Variants in ICA1L observed in about 807,000 individuals in gnomAD.
ICA1L encodes islet cell autoantigen 1 like.
Under a neutral mutation model 61.3 loss-of-function variants are expected in ICA1L, and 50 were observed. That is an observed-to-expected ratio of 0.82 (90% confidence interval 0.65 to 1.03). ICA1L has a LOEUF of 1.03. Ranked by LOEUF, ICA1L falls within the 50% of genes least tolerant of loss-of-function variation. The pLI is 0.00. For missense variants in ICA1L, 508 were observed against 556.7 expected, an observed-to-expected ratio of 0.91 and a Z score of 0.88; for synonymous variants, 161 against 191.3, an observed-to-expected ratio of 0.84 and a Z score of 1.31.
intron 2 of ICA1L, among the ~76,000 whole-genome samples, chr2:202,828,627 T>G (rs1693915637): frequency 6.6e-6 from 1 of 152,212 alleles, no homozygotes; most frequent in South Asian, 2.1e-4. Flanking sequence ...TTTATTCATA[T>G]TTTATCTAAG....
rs1406566184 is a variant in ICA1L, at chr2:202,776,147, C to A, written c.*3386G>T. The A allele has an allele frequency of 6.6e-6, 1 of 152,158 alleles. No homozygotes were observed. The highest frequency in any genetic ancestry group is 1.9e-4 in the East Asian group (1 of 5,198). The allele number at this position is 152,158 out of a possible 1,614,324, so 9.4% of individuals were successfully genotyped here. On this transcript the variant is annotated 3_prime_UTR_variant, in exon 13 of 13. Transcript: ENST00000358299. ...CTTTTTCAGTGTGCAAATACTGAAA[C>A]CTGTTTGTTGAAATACAGTTTGTTT...
rs1436783014 is a variant in ICA1L, at chr2:202,814,776, T to C, written c.792A>G (p.Gln264=). 2 of 1,611,716 alleles carry C rather than the reference T, an allele frequency of 1.2e-6. No homozygotes were observed. Among genetic ancestry groups the C allele is most frequent in the South Asian group, 2.2e-5 (2 of 90,824 alleles). The part of the protein sequence containing the change: ...PYDFVALKQL[Q]DTPSKISEDN... ...CTTCACTAATCTTGCTTGGCGTGTCTTGTAGTTGCTAAAGATAAGAAAGTC... is the reference window on the plus strand; with the variant it reads ...CTTCACTAATCTTGCTTGGCGTGTCCTGTAGTTGCTAAAGATAAGAAAGTC... The change falls in exon 8 of 13, where the codon CAA becomes CAG. Residue 264 remains glutamine (Q), a synonymous_variant. Transcript: ENST00000358299.
At chr2:202,841,167 A>G (rs1694318809) in intron 1 of ICA1L, 1 of 662,708 alleles carries the variant, frequency 1.5e-6, no homozygotes, top group African/African-American at 1.8e-5. Flanking sequence ...TACCTTGTTC[A>G]TATAAGCTTC....
intron 5 of ICA1L, 100 bp downstream of exon 5, chr2:202,819,599 CAT>C (rs1168445659): frequency 1.1e-6 from 1 of 922,756 alleles, no homozygotes; most frequent in Non-Finnish European, 1.7e-6. Context: ...TATAATGAAA[CAT>C]ATATTTACCA....
At position 202,854,089 on chromosome 2, in the gene ICA1L, C is replaced by A. The variant is rs541147684; in HGVS notation, c.-8+17530G>T. On this transcript the variant is annotated intron_variant, in intron 1 of 12. Coordinates refer to ENST00000358299, the MANE Select transcript of ICA1L (RefSeq NM_001288622.3). The stretch of plus-strand genomic sequence containing the variant: ...GGTTCAATGCCCCGATTAAAAGACA[C>A]AGACTGGCAAATTGGATAGAGTCAA... 1.5e-4 allele frequency among the ~76,000 whole-genome samples: 23 copies of A among 152,168 alleles called. 1 individual carries two copies. In the South Asian group the frequency reaches 4.8e-3, roughly 32 times the overall value.
intron 12 of ICA1L, 59 bp from the exon 13 acceptor site, chr2:202,779,707 A>G (rs1372009445): frequency 2.0e-5 from 20 of 1,008,770 alleles, no homozygotes; most frequent in Non-Finnish European, 2.8e-5. Context: ...ATGTTTTTGT[A>G]CCATATTTAT....
At chr2:202,820,535 G>T (rs1693671504) in intron 4 of ICA1L, among the ~76,000 whole-genome samples, 1 of 152,184 alleles carries the variant, frequency 6.6e-6, no homozygotes. Flanking sequence ...CATTCATAAA[G>T]CATAATCCAA....
At chr2:202,861,396 T>A (rs1241103154) in intron 1 of ICA1L, among the ~76,000 whole-genome samples, 1 of 45,422 alleles carries the variant, frequency 2.2e-5, no homozygotes, top group Non-Finnish European at 3.8e-5. Context: ...ACGGCGAGAC[T>A]ATCTCAAAAA....
chr2:202,811,316 G>A (rs145025951), intron 9 of ICA1L, among the ~76,000 whole-genome samples: 87 of 152,012 alleles, frequency 5.7e-4, no homozygotes, highest in African/African-American at 1.9e-3. Context: ...GGTGAATTTC[G>A]CCTGATAAAA....
At chr2:202,819,314 T>G (rs1415175449) in intron 5 of ICA1L, among the ~76,000 whole-genome samples, 1 of 152,220 alleles carries the variant, frequency 6.6e-6, no homozygotes, top group Admixed American at 6.5e-5. Context: ...GAATAAAAAT[T>G]TTGATAACCT....
intron 1 of ICA1L, chr2:202,841,519 G>T: frequency 1.4e-6 from 1 of 733,294 alleles, no homozygotes; most frequent in East Asian, 2.6e-5. Flanking sequence ...ACACGGCCTG[G>T]ATGTTGGGTT....
At position 202,789,087 on chromosome 2, in the gene ICA1L, A is replaced by G. The variant is rs1692672981; in HGVS notation, c.986T>C (p.Val329Ala). The stretch of plus-strand genomic sequence containing the variant: ...TGAATCTACAGGTAGATCTTTTGCA[A>G]CTATTGAGTGTAAATAAAAACAGAA... ...GAPQFSNSENVAKDLPVDSLE... is the reference protein window; with the variant it reads ...GAPQFSNSENAAKDLPVDSLE... The change falls in exon 11 of 13, where the codon GTT becomes GCT. Residue 329 changes from valine to alanine, a missense_variant and splice_region_variant. By Grantham distance (64) the Val-to-Ala change is moderately conservative (BLOSUM62 0). Coordinates refer to ENST00000358299, the MANE Select transcript of ICA1L (RefSeq NM_001288622.3). The G allele has an allele frequency of 6.2e-7, 1 of 1,602,356 alleles. No individual in the cohort carries two copies. Among genetic ancestry groups the G allele is most frequent in the Non-Finnish European group, 8.5e-7 (1 of 1,176,128 alleles).
At chr2:202,797,668 T>C (rs1692972292) in intron 9 of ICA1L, among the ~76,000 whole-genome samples, 1 of 152,100 alleles carries the variant, frequency 6.6e-6, no homozygotes, top group Non-Finnish European at 1.5e-5. Flanking sequence ...ATTACAGGCA[T>C]GCGCCACCAC....
At chr2:202,788,010 G>C (rs1692640750) in intron 11 of ICA1L, among the ~76,000 whole-genome samples, 2 of 152,186 alleles carry the variant, frequency 1.3e-5, no homozygotes, top group Non-Finnish European at 1.5e-5. Context: ...ATGCATCAGA[G>C]GGCTGTGGAG....
chr2:202,778,373 A>ATACT lies in ICA1L; in HGVS notation c.*1156_*1159dup, dbSNP rs1266106900. ...TTCCATTAAATAGCCTTCCTCTCTA[A>ATACT]TACTTAGGTTCTAAACCCTGTAGGG... On this transcript the variant is annotated 3_prime_UTR_variant, in exon 13 of 13. Transcript: ENST00000358299. 1.3e-5 allele frequency: 2 copies of ATACT among 152,258 alleles called. No individual in the cohort carries two copies. The highest frequency in any genetic ancestry group is 3.9e-4 in the East Asian group (2 of 5,182). 9.4% of individuals were successfully genotyped at this position (152,258 alleles called of 1,614,324 possible). A position where few individuals can be genotyped will look rare whatever the true frequency, so the allele number is the denominator to read the frequency against.
chr2:202,860,444 G>A (rs1694880640), intron 1 of ICA1L, among the ~76,000 whole-genome samples: 1 of 151,954 alleles, frequency 6.6e-6, no homozygotes, highest in Admixed American at 6.6e-5. Flanking sequence ...CAACCCAAAT[G>A]CATGTAATTT....
At chr2:202,855,227 C>A (rs895343846) in intron 1 of ICA1L, among the ~76,000 whole-genome samples, 37 of 151,966 alleles carry the variant, frequency 2.4e-4, no homozygotes, top group Non-Finnish European at 7.4e-5. Context: ...CCTAACATCA[C>A]AATTAAAAGA....
intron 1 of ICA1L, among the ~76,000 whole-genome samples, chr2:202,839,555 AGTCTGTGTGTGTGT>A (rs1484681420): frequency 6.8e-5 from 5 of 73,810 alleles, no homozygotes; most frequent in African/African-American, 3.0e-4. Flanking sequence ...CATACAGTTA[AGTCTGTGTGTGTGT>A]GTGTGTGTGT....
At chr2:202,817,593 T>C in intron 5 of ICA1L, 50 bp from the exon 6 acceptor site, 1 of 1,086,252 alleles carries the variant, frequency 9.2e-7, no homozygotes, top group Non-Finnish European at 1.3e-6. Flanking sequence ...ATAAATATAG[T>C]ATGTTATTAC....
Sources: gnomAD v4.1 joint callset for allele counts (sites outside exome capture counted in the v4.1 genomes callset) on GRCh38, gnomAD v4.1.1 for gene constraint, MANE v1.5 for transcripts, NCBI Gene and HGNC (gene_info 2026-07-23, HGNC 2026-07-21) for gene names.